Variants in GPC5 observed in about 807,000 individuals in gnomAD.
GPC5 encodes the protein glypican 5.
A neutral mutation model predicts 53.9 loss-of-function variants in GPC5; 47 were observed. The ratio of observed to expected loss-of-function variants is 0.87; its 90% CI spans 0.69 to 1.11. The LOEUF (loss-of-function observed/expected upper bound fraction) is 1.11, where lower values mean the gene tolerates loss of function less well. Among genes scored for constraint, GPC5 ranks in the 50% most tolerant of loss-of-function variants. The pLI is 0.00. For missense variants in GPC5, 748 were observed against 713.1 expected (o/e 1.05, Z -0.56); for synonymous variants, 286 against 263.3 (o/e 1.09, Z -0.84).
At chr13:91,421,990 G>T (rs1037442472) in intron 1 of GPC5, among the ~76,000 whole-genome samples, 1 of 152,202 alleles carries the variant, frequency 6.6e-6, no homozygotes, top group Non-Finnish European at 1.5e-5. Context: ...CAGAAACACA[G>T]TAATGAAAAT....
chr13:92,675,972 C>T (rs1282084688), intron 7 of GPC5, among the ~76,000 whole-genome samples: 1 of 152,076 alleles, frequency 6.6e-6, no homozygotes, highest in South Asian at 2.1e-4. Flanking sequence ...CACGTATATC[C>T]TCCCATCGAA....
chr13:92,716,546 C>T (rs1888332007), intron 7 of GPC5, among the ~76,000 whole-genome samples: 1 of 151,936 alleles, frequency 6.6e-6, no homozygotes, highest in African/African-American at 2.4e-5. Context: ...ACTGCCAGCT[C>T]CCTGGGTAAG....
intron 6 of GPC5, among the ~76,000 whole-genome samples, chr13:92,008,493 G>A (rs1213565144): frequency 6.7e-6 from 1 of 150,240 alleles, no homozygotes; most frequent in African/African-American, 2.5e-5. Flanking sequence ...TTTTTTTAGT[G>A]CTGTTTGTTG....
chr13:92,498,478 A>C (rs1295565054), intron 7 of GPC5, among the ~76,000 whole-genome samples: 1 of 152,118 alleles, frequency 6.6e-6, no homozygotes, highest in Admixed American at 6.5e-5. Flanking sequence ...CTGAGATCTT[A>C]TCAGGAAGCT....
At chr13:91,429,135 GTCT>G (rs1879256168) in intron 1 of GPC5, among the ~76,000 whole-genome samples, 1 of 152,160 alleles carries the variant, frequency 6.6e-6, no homozygotes, top group African/African-American at 2.4e-5. Context: ...GGCCAGGCTG[GTCT>G]CAAACTTCTG....
chr13:91,537,444 C>G (rs2138711098), intron 2 of GPC5, among the ~76,000 whole-genome samples: 1 of 152,202 alleles, frequency 6.6e-6, no homozygotes, highest in South Asian at 2.1e-4. Context: ...ACAAACAACT[C>G]CTACAAAGAT....
chr13:92,707,590 T>C (rs1477730339), intron 7 of GPC5, among the ~76,000 whole-genome samples: 1 of 151,682 alleles, frequency 6.6e-6, no homozygotes, highest in Non-Finnish European at 1.5e-5. Context: ...AGTGTTCCCA[T>C]GTAATCATAG....
chr13:91,760,034 T>C (rs1293816868), intron 5 of GPC5, among the ~76,000 whole-genome samples: 2 of 152,094 alleles, frequency 1.3e-5, no homozygotes, highest in Non-Finnish European at 2.9e-5. Context: ...TAATTTGTAT[T>C]GTACATACTT....
At chr13:91,606,694 G>A (rs1228293179) in intron 2 of GPC5, among the ~76,000 whole-genome samples, 15 of 149,610 alleles carry the variant, frequency 1.0e-4, no homozygotes, top group Non-Finnish European at 1.5e-4. Flanking sequence ...GAGAGTGTAT[G>A]TGTCCAGGAA....
At chr13:91,784,609 A>G (rs1360323324) in intron 5 of GPC5, among the ~76,000 whole-genome samples, 2 of 151,892 alleles carry the variant, frequency 1.3e-5, no homozygotes, top group Non-Finnish European at 2.9e-5. Context: ...CTGTAATCCC[A>G]GCTACTTGGG....
At chr13:92,668,083 A>G (rs570815915) in intron 7 of GPC5, among the ~76,000 whole-genome samples, 4 of 152,174 alleles carry the variant, frequency 2.6e-5, no homozygotes, top group East Asian at 1.9e-4. Context: ...TCAAATATAC[A>G]TATGTGTGAA....
intron 1 of GPC5, among the ~76,000 whole-genome samples, chr13:91,438,738 G>A (rs1880185131): frequency 6.6e-6 from 1 of 152,196 alleles, no homozygotes; most frequent in Non-Finnish European, 1.5e-5. Flanking sequence ...CTTGTGTTTG[G>A]CAATGCCCTG....
chr13:92,519,825 T>C (rs1291443752), intron 7 of GPC5, among the ~76,000 whole-genome samples: 1 of 151,956 alleles, frequency 6.6e-6, no homozygotes, highest in Admixed American at 6.6e-5. Flanking sequence ...CTTCAAAAAA[T>C]CAATGAATCC....
At chr13:92,586,969 C>A (rs1316382907) in intron 7 of GPC5, among the ~76,000 whole-genome samples, 1 of 151,654 alleles carries the variant, frequency 6.6e-6, no homozygotes, top group Non-Finnish European at 1.5e-5. Flanking sequence ...CACACGCGCA[C>A]ACACACACAC....
At chr13:92,102,554 A>G (rs2041475810) in intron 6 of GPC5, among the ~76,000 whole-genome samples, 1 of 152,174 alleles carries the variant, frequency 6.6e-6, no homozygotes, top group African/African-American at 2.4e-5. Context: ...TCCTAAAATG[A>G]GAGGAAGCAA....
chr13:92,067,442 G>T (rs2041176365), intron 6 of GPC5, among the ~76,000 whole-genome samples: 2 of 151,966 alleles, frequency 1.3e-5, no homozygotes, highest in African/African-American at 4.8e-5. Context: ...TTTCCAAGCT[G>T]TATGTTTTAG....
intron 7 of GPC5, among the ~76,000 whole-genome samples, chr13:92,527,366 A>C (rs563651212): frequency 2.4e-4 from 37 of 152,140 alleles, no homozygotes; most frequent in African/African-American, 8.4e-4. Context: ...AAAGGCAAGC[A>C]GCATGAAAAA....
intron 7 of GPC5, among the ~76,000 whole-genome samples, chr13:92,483,180 T>C (rs1195645580): frequency 2.6e-5 from 4 of 152,134 alleles, no homozygotes; most frequent in African/African-American, 9.7e-5. Flanking sequence ...GAAATTTGGG[T>C]GAGGACACAG....
intron 7 of GPC5, among the ~76,000 whole-genome samples, chr13:92,576,326 C>T (rs1883189078): frequency 6.6e-6 from 1 of 152,074 alleles, no homozygotes; most frequent in Non-Finnish European, 1.5e-5. Flanking sequence ...GCAGACGGTA[C>T]CTAGGAATGG....
Sources: allele counts gnomAD v4.1 joint callset (sites outside exome capture counted in the v4.1 genomes callset), GRCh38; gene constraint gnomAD v4.1.1; transcripts MANE v1.5; gene names NCBI Gene and HGNC (gene_info 2026-07-23, HGNC 2026-07-21).